The following CCDC60 variants were observed in gnomAD, a reference collection of about 807,000 sequenced individuals.
CCDC60 encodes the protein coiled-coil domain containing 60.
Under a neutral mutation model 63.5 loss-of-function variants are expected in CCDC60, and 54 were observed. That is an observed-to-expected ratio of 0.85 (90% confidence interval 0.68 to 1.07). The LOEUF (loss-of-function observed/expected upper bound fraction) is 1.07. Ranked by LOEUF, CCDC60 falls within the 50% of genes least tolerant of loss-of-function variation. The pLI, the probability that CCDC60 is intolerant of heterozygous loss-of-function variation, is 0.00. For synonymous variants in CCDC60, 206 were observed against 238.8 expected, an observed-to-expected ratio of 0.86 and a Z score of 1.27; for missense variants, 651 against 684.3, an observed-to-expected ratio of 0.95 and a Z score of 0.54.
chr12:119,534,823 T>C (rs1000481279), intron 13 of CCDC60, among the ~76,000 whole-genome samples: 1 of 152,256 alleles, frequency 6.6e-6, no homozygotes, highest in Non-Finnish European at 1.5e-5. Flanking sequence ...TTTGCCAGTA[T>C]TTTATTGAGG....
intron 1 of CCDC60, among the ~76,000 whole-genome samples, chr12:119,394,079 G>A (rs1956207444): frequency 6.6e-6 from 1 of 152,154 alleles, no homozygotes; most frequent in South Asian, 2.1e-4. Context: ...GATAAAAAAT[G>A]ACAGATTCCA....
intron 9 of CCDC60, among the ~76,000 whole-genome samples, chr12:119,521,669 G>A (rs570540798): frequency 4.6e-5 from 7 of 152,132 alleles, no homozygotes; most frequent in Non-Finnish European, 8.8e-5. Context: ...AGTGAGACAG[G>A]CAGACGGGTT....
At chr12:119,345,968 G>A (rs963456949) in intron 1 of CCDC60, among the ~76,000 whole-genome samples, 25 of 148,970 alleles carry the variant, frequency 1.7e-4, no homozygotes, top group African/African-American at 5.4e-4. Flanking sequence ...AGCACATGCC[G>A]CCATACCCAG....
chr12:119,425,951 C>T (rs1198006945), intron 1 of CCDC60, among the ~76,000 whole-genome samples: 5 of 152,192 alleles, frequency 3.3e-5, no homozygotes, highest in African/African-American at 1.2e-4. Flanking sequence ...AGGCAAAGGG[C>T]CTAACCAGGG....
rs768243765 is a variant in CCDC60, at chr12:119,428,681, A to T, written c.91-2A>T. The T allele has an allele frequency of 6.3e-7, 1 of 1,588,674 alleles. No homozygotes were observed. The highest frequency in any genetic ancestry group is 1.7e-5 in the Admixed American group (1 of 58,360). ...TATTTTAACCCCTTGTCTTCTCATC[A>T]GGTCCCAGACAAGCCAATGAAGAGC... On this transcript the variant is annotated splice_acceptor_variant, in intron 1 of 13. Transcript: ENST00000327554. LOFTEE classifies it high-confidence loss of function.
rs879662905 is a variant in CCDC60 at position 119,456,209 on chromosome 12, C to T, written c.171-15785C>T. ...CTTCACCCTGAGAACAGTAGGAAGC[C>T]ATTAGAGGATTTTGAGCATTAAGAT... On this transcript the variant is annotated intron_variant, in intron 2 of 13. Transcript: ENST00000327554. This position sits in a 1 kb window ranked among gnomAD's most constrained non-coding sequence, Gnocchi z 4.6. 6.6e-6 allele frequency among the ~76,000 whole-genome samples: 1 copy of T among 152,010 alleles called. No individual in the cohort carries two copies. Among genetic ancestry groups the T allele is most frequent in the Admixed American group, 6.6e-5 (1 of 15,266 alleles).
intron 1 of CCDC60, among the ~76,000 whole-genome samples, chr12:119,380,752 T>G (rs1956000251): frequency 6.6e-6 from 1 of 152,238 alleles, no homozygotes. Flanking sequence ...TTGTTGCTCT[T>G]CCTTTTAACA....
chr12:119,350,724 C>G (rs139813271), intron 1 of CCDC60, among the ~76,000 whole-genome samples: 1 of 152,048 alleles, frequency 6.6e-6, no homozygotes. Context: ...CTCTGGTTCC[C>G]GCTCTCAACA....
At chr12:119,447,305 G>T (rs1950560010) in intron 2 of CCDC60, among the ~76,000 whole-genome samples, 1 of 152,134 alleles carries the variant, frequency 6.6e-6, no homozygotes, top group African/African-American at 2.4e-5. Flanking sequence ...TTGCGCCTCA[G>T]ACCCCTCCCA....
chr12:119,339,825 A>G (rs1170777501), intron 1 of CCDC60, among the ~76,000 whole-genome samples: 2 of 152,144 alleles, frequency 1.3e-5, no homozygotes, highest in Non-Finnish European at 2.9e-5. Flanking sequence ...CAACCAACCA[A>G]TAAAAGAGCA....
At chr12:119,362,722 T>C (rs1297248651) in intron 1 of CCDC60, among the ~76,000 whole-genome samples, 1 of 152,250 alleles carries the variant, frequency 6.6e-6, no homozygotes, top group Non-Finnish European at 1.5e-5. Flanking sequence ...GTAAATCTTC[T>C]TGGACATTCT....
chr12:119,371,255 A>G (rs976543852), intron 1 of CCDC60, among the ~76,000 whole-genome samples: 2 of 152,136 alleles, frequency 1.3e-5, no homozygotes, highest in African/African-American at 4.8e-5. Flanking sequence ...GATACTTGAG[A>G]TAATTAATAA....
chr12:119,455,927 A>AAGAT (rs200811078), intron 2 of CCDC60, among the ~76,000 whole-genome samples: 15,219 of 92,820 alleles, frequency 0.16, 1,352 homozygotes, highest in East Asian at 0.37. Flanking sequence ...GGAGGAAAGA[A>AAGAT]AGAAAGAGAA....
intron 2 of CCDC60, among the ~76,000 whole-genome samples, chr12:119,436,789 G>A (rs564046983): frequency 3.9e-5 from 6 of 152,074 alleles, no homozygotes; most frequent in East Asian, 3.9e-4. Flanking sequence ...TACCTGCCTC[G>A]GCCTCCCAGA....
In CCDC60 at chr12:119,505,340, C is replaced by T. The variant is rs373872753; in HGVS notation, c.883+37C>T. 1.6e-4 allele frequency: 226 copies of T among 1,449,992 alleles called. 2 individuals carry two copies. The highest frequency in any genetic ancestry group is 9.0e-4 in the Middle Eastern group (5 of 5,552). 89.8% of individuals were successfully genotyped at this position (1,449,992 alleles called of 1,614,324 possible). The stretch of plus-strand genomic sequence containing the variant: ...CTGAGATCTGACTCATCTACCCTGA[C>T]CCTTTGCCTTTAAGCCAGACATCAA... On this transcript the variant is annotated intron_variant, in intron 7 of 13. Coordinates refer to ENST00000327554, the MANE Select transcript of CCDC60 (RefSeq NM_178499.5).
At chr12:119,480,739 ATCACCATCATCC>A (rs1951289288) in intron 4 of CCDC60, among the ~76,000 whole-genome samples, 2 of 145,836 alleles carry the variant, frequency 1.4e-5, no homozygotes, top group South Asian at 2.2e-4. Flanking sequence ...CACCATCATC[ATCACCATCATCC>A]TCACCATCAT....
chr12:119,407,951 A>G (rs909553126), intron 1 of CCDC60, among the ~76,000 whole-genome samples: 1 of 152,236 alleles, frequency 6.6e-6, no homozygotes, highest in Non-Finnish European at 1.5e-5. Flanking sequence ...GGCCGTGGAC[A>G]AAAAATTAAA....
intron 6 of CCDC60, 47 bp downstream of exon 6, chr12:119,500,215 T>C (rs1951817005): frequency 7.7e-7 from 1 of 1,290,870 alleles, no homozygotes; most frequent in African/African-American, 1.5e-5. Flanking sequence ...AGGTCCCAGC[T>C]TGTGTTGAGG....
At chr12:119,392,663 C>G (rs954538954) in intron 1 of CCDC60, among the ~76,000 whole-genome samples, 2 of 152,192 alleles carry the variant, frequency 1.3e-5, no homozygotes, top group Non-Finnish European at 2.9e-5. Context: ...TAAATATTTA[C>G]GGGATGAATG....
Sources: allele counts gnomAD v4.1 joint callset (sites outside exome capture counted in the v4.1 genomes callset), GRCh38; gene constraint gnomAD v4.1.1; non-coding constraint Gnocchi (gnomAD v3.1); transcripts MANE v1.5; gene names NCBI Gene and HGNC (gene_info 2026-07-23, HGNC 2026-07-21).